LY75: variants seen among roughly 807,000 people sequenced by gnomAD.
LY75 encodes the protein C-type lectin domain family 13 member B.
A neutral mutation model predicts 231.7 loss-of-function variants in LY75; 185 were observed. That is an observed-to-expected ratio of 0.80 (90% CI 0.71 to 0.90). LY75 has a LOEUF of 0.90. Among genes scored for constraint, LY75 ranks in the 40% least tolerant of loss-of-function variants. The pLI is 0.00. For synonymous variants in LY75, 668 were observed against 689.0 expected (o/e 0.97, Z 0.48); for missense variants, 1,947 against 2,050.2 (o/e 0.95, Z 0.97).
At chr2:159,811,300 C>G (rs1176374738) in intron 31 of LY75, among the ~76,000 whole-genome samples, 1 of 152,114 alleles carries the variant, frequency 6.6e-6, no homozygotes, top group Non-Finnish European at 1.5e-5. Context: ...CGCAACATCA[C>G]TCAAACAAAA....
chr2:159,868,841 G>T (rs1042309591), intron 13 of LY75, among the ~76,000 whole-genome samples: 2 of 152,100 alleles, frequency 1.3e-5, no homozygotes, highest in African/African-American at 4.8e-5. Flanking sequence ...ATATGATATT[G>T]TGTGTGTCAA....
intron 28 of LY75, among the ~76,000 whole-genome samples, chr2:159,828,929 G>A (rs1449789705): frequency 2.0e-5 from 3 of 152,162 alleles, no homozygotes; most frequent in African/African-American, 7.2e-5. Context: ...TTTCATTTAT[G>A]TAAAATGTCC....
intron 16 of LY75, 149 bp from the exon 17 acceptor site, chr2:159,855,088 T>C: frequency 1.0e-6 from 1 of 966,566 alleles, no homozygotes; most frequent in South Asian, 1.7e-5. Flanking sequence ...TTGATCACTT[T>C]AGTTGTATTT....
chr2:159,854,656 G>A, intron 17 of LY75, 121 bp from the exon 18 acceptor site: 1 of 1,257,464 alleles, frequency 8.0e-7, no homozygotes, highest in Non-Finnish European at 1.1e-6. Flanking sequence ...TCTCTGGCTG[G>A]GGCAGTACTG....
At chr2:159,901,413 C>A (rs1228804580) in intron 1 of LY75, among the ~76,000 whole-genome samples, 1 of 152,174 alleles carries the variant, frequency 6.6e-6, no homozygotes, top group African/African-American at 2.4e-5. Flanking sequence ...GAGACGTGCC[C>A]ATCACCCTTG....
Position 159,842,288 on chromosome 2 carries a change from G to T in LY75, c.3237C>A (p.Ser1079=), listed in dbSNP as rs1197495511. The T allele has an allele frequency of 6.2e-7, 1 of 1,612,492 alleles. No individual in the cohort carries two copies. The highest frequency in any genetic ancestry group is 8.5e-7 in the Non-Finnish European group (1 of 1,179,094). Reference sequence around the variant, plus strand: ...GAGACACAAAGTGGCGTTCACTGCAGGATGTAAAATTCCACGTCCCAGTAA... The same window carrying T: ...GAGACACAAAGTGGCGTTCACTGCATGATGTAAAATTCCACGTCCCAGTAA... ...SPFTGTWNFT[S]CSERHFVSLC... Residue 1079 remains serine, a synonymous_variant, in exon 24 of 35, where the codon TCC becomes TCA. Transcript: ENST00000263636.
At position 159,850,384 on chromosome 2, in the gene LY75, T is replaced by C; in HGVS notation, c.2967A>G (p.Ser989=). 2 of 1,613,712 alleles carry C rather than the reference T, an allele frequency of 1.2e-6. No homozygotes were observed. Among genetic ancestry groups the C allele is most frequent in the Non-Finnish European group, 1.7e-6 (2 of 1,179,706 alleles). The part of the protein sequence containing the change: ...TCHSYGGTLP[S]VLSQIEQDFI... The stretch of plus-strand genomic sequence containing the variant: ...TACCTTGTTCAATCTGGCTCAACAC[T>C]GAAGGAAGGGTGCCACCATAGGAGT... Residue 989 remains serine (S), a synonymous_variant, in exon 22 of 35, where the codon TCA becomes TCG. Transcript: ENST00000263636.
chr2:159,820,526 C>CG (rs1683254370), intron 28 of LY75, among the ~76,000 whole-genome samples: 1 of 151,896 alleles, frequency 6.6e-6, no homozygotes, highest in Non-Finnish European at 1.5e-5. Flanking sequence ...TCTGGGAACT[C>CG]GGGGGGAAGA....
chr2:159,895,977 T>C (rs1328651469), intron 2 of LY75, among the ~76,000 whole-genome samples: 10 of 152,238 alleles, frequency 6.6e-5, no homozygotes, highest in Admixed American at 5.9e-4. Context: ...AAATTTATGA[T>C]GATAGCATCC....
In LY75 at chr2:159,804,920, C is replaced by G. The variant is rs1450869026; in HGVS notation, c.*124G>C. On this transcript the variant is annotated 3_prime_UTR_variant, in exon 35 of 35. Transcript: ENST00000263636. Reference sequence around the variant, plus strand: ...GTGGATACCAGCACATGCCTAAGATCTAAACAACTGAAAAAGTATTTAAGA... The same window carrying G: ...GTGGATACCAGCACATGCCTAAGATGTAAACAACTGAAAAAGTATTTAAGA... The G allele has an allele frequency of 4.3e-6, 3 of 702,664 alleles. No homozygotes were observed. The highest frequency in any genetic ancestry group is 5.6e-5 in the East Asian group (2 of 35,408). 43.5% of individuals were successfully genotyped at this position (702,664 alleles called of 1,614,324 possible).
chr2:159,867,282 C>T (rs73000735), intron 13 of LY75, among the ~76,000 whole-genome samples: 3,522 of 151,992 alleles, frequency 0.023, 139 homozygotes, highest in East Asian at 0.16. Context: ...TTTTTTTGTG[C>T]GGGATCAGAA....
chr2:159,881,364 G>T, intron 7 of LY75, 124 bp from the exon 8 acceptor site: 2 of 1,166,900 alleles, frequency 1.7e-6, no homozygotes, highest in South Asian at 2.0e-5. Context: ...TCTTAATTCG[G>T]TTATTAATAT....
At chr2:159,850,300 C>A (rs978131810) in intron 22 of LY75, 62 bp downstream of exon 22, 1 of 1,587,556 alleles carries the variant, frequency 6.3e-7, no homozygotes, top group Non-Finnish European at 8.6e-7. Flanking sequence ...TTCCCCATAG[C>A]CTCCTAAAAC....
intron 26 of LY75, among the ~76,000 whole-genome samples, chr2:159,834,942 G>C (rs1421929720): frequency 2.6e-5 from 4 of 152,214 alleles, no homozygotes; most frequent in African/African-American, 4.8e-5. Context: ...GACTGGGCTA[G>C]AGACTGCACA....
chr2:159,897,807 T>G lies in LY75; in HGVS notation c.466+881A>C, dbSNP rs78840876. Among the ~76,000 whole-genome samples the G allele has an allele frequency of 5.8e-3, 888 of 152,350 alleles. 2 individuals carry two copies. Among genetic ancestry groups the G allele is most frequent in the Middle Eastern group, 0.01 (3 of 294 alleles). Reference sequence around the variant, plus strand: ...GAAAAATATTTGCTTGGGAGATAGCTAATTACATTTAATGGTTAAAAAAAT... The same window carrying G: ...GAAAAATATTTGCTTGGGAGATAGCGAATTACATTTAATGGTTAAAAAAAT... On this transcript the variant is annotated intron_variant, in intron 2 of 34. Coordinates refer to ENST00000263636, the MANE Select transcript of LY75 (RefSeq NM_002349.4).
chr2:159,829,021 A>G (rs1461573959), intron 28 of LY75, among the ~76,000 whole-genome samples: 2 of 152,296 alleles, frequency 1.3e-5, no homozygotes, highest in East Asian at 3.9e-4. Context: ...AGGGAATACT[A>G]GTGGGTATTG....
Position 159,878,684 on chromosome 2 carries a change from T to C in LY75, c.1553A>G (p.Tyr518Cys), listed in dbSNP as rs780164238. Residue 518 changes from tyrosine to cysteine, a missense_variant, in exon 10 of 35, where the codon TAT (tyrosine) becomes TGT (cysteine). Tyr to Cys is a radical substitution (Grantham distance 194, BLOSUM62 -2). Coordinates refer to ENST00000263636, the MANE Select transcript of LY75 (RefSeq NM_002349.4). Reference protein sequence around the residue: ...KRHGETCYKIYEDEVPFGTNC... With the variant: ...KRHGETCYKICEDEVPFGTNC... ...TGTTCCAAAAGGGACCTCATCCTCATAAATCTTGTAACAGGTTTCTCCATG... is the reference window on the plus strand; with the variant it reads ...TGTTCCAAAAGGGACCTCATCCTCACAAATCTTGTAACAGGTTTCTCCATG... 8.1e-6 allele frequency: 13 copies of C among 1,613,986 alleles called. No homozygotes were observed. The East Asian group carries it at 2.9e-4, about 36-fold the overall frequency.
chr2:159,818,902 A>G (rs543667268), intron 29 of LY75, among the ~76,000 whole-genome samples: 7 of 152,238 alleles, frequency 4.6e-5, no homozygotes, highest in Non-Finnish European at 1.0e-4. Flanking sequence ...TGGGACAATG[A>G]AGAGACCAGC....
chr2:159,840,715 G>A lies in LY75; in HGVS notation c.3507+14C>T. The A allele has an allele frequency of 6.2e-7, 1 of 1,613,916 alleles. No individual in the cohort carries two copies. The highest frequency in any genetic ancestry group is 1.1e-5 in the South Asian group (1 of 91,062). On this transcript the variant is annotated intron_variant, in intron 25 of 34. Transcript: ENST00000263636. ...TCCATCACCCAGTCCTGGCAGTTGG[G>A]ACTGAACACTTACATCTTGACTGAA...
Sources: gnomAD v4.1 joint callset for allele counts (sites outside exome capture counted in the v4.1 genomes callset) on GRCh38, gnomAD v4.1.1 for gene constraint, MANE v1.5 for transcripts, NCBI Gene and HGNC (gene_info 2026-07-23, HGNC 2026-07-21) for gene names.